The following KALRN variants were observed in gnomAD, a reference collection of about 807,000 sequenced individuals.
KALRN encodes kalirin.
In KALRN, 70 loss-of-function variants were observed where a neutral mutation model predicts 353.7. The ratio of observed to expected loss-of-function variants is 0.20; its 90% CI spans 0.16 to 0.24. The LOEUF (loss-of-function observed/expected upper bound fraction) is 0.24. Ranked by LOEUF, KALRN falls within the 10% of genes least tolerant of loss-of-function variation. The pLI is 1.00. For synonymous variants in KALRN, 1,391 were observed against 1,434.8 expected, an observed-to-expected ratio of 0.97 and a Z score of 0.69; for missense variants, 2,791 against 3,756.7, an observed-to-expected ratio of 0.74 and a Z score of 6.72.
chr3:124,095,006 G>A (rs532862581), intron 1 of KALRN: 10 of 1,108,028 alleles, frequency 9.0e-6, no homozygotes, highest in Non-Finnish European at 1.4e-5. Flanking sequence ...AGGGGAGGGG[G>A]GTCAAGAAGA....
intron 33 of KALRN, among the ~76,000 whole-genome samples, chr3:124,515,032 T>C (rs530581804): frequency 2.6e-5 from 4 of 152,254 alleles, no homozygotes; most frequent in Admixed American, 6.5e-5. Context: ...ACAAAAAACA[T>C]TGGAAACATG....
chr3:124,296,431 G>C (rs1438518063), intron 5 of KALRN, among the ~76,000 whole-genome samples: 1 of 152,082 alleles, frequency 6.6e-6, no homozygotes, highest in Non-Finnish European at 1.5e-5. Context: ...GCTCCCAGTA[G>C]CTCTCAAATC....
intron 21 of KALRN, among the ~76,000 whole-genome samples, chr3:124,454,326 T>C (rs2059085634): frequency 6.6e-6 from 1 of 152,206 alleles, no homozygotes; most frequent in Non-Finnish European, 1.5e-5. Context: ...AGTATGAAGT[T>C]GGACCAGCCC....
chr3:124,388,217 C>T (rs1002245417), intron 11 of KALRN, among the ~76,000 whole-genome samples: 1 of 152,082 alleles, frequency 6.6e-6, no homozygotes, highest in Non-Finnish European at 1.5e-5. Context: ...TTACAACACT[C>T]ATTTTTTTTC....
At chr3:124,708,425 CAG>C (rs1250586601) in intron 57 of KALRN, among the ~76,000 whole-genome samples, 2 of 151,862 alleles carry the variant, frequency 1.3e-5, no homozygotes. Context: ...AAGTTATTGA[CAG>C]AGAAATAGAA....
rs778799753 is a variant in KALRN, at chr3:124,446,202, C to T, written c.3355C>T (p.His1119Tyr). 3.1e-6 allele frequency: 5 copies of T among 1,614,014 alleles called. No individual in the cohort carries two copies. Among genetic ancestry groups the T allele is most frequent in the Admixed American group, 1.7e-5 (1 of 60,000 alleles). The change falls in exon 20 of 60, where the codon CAT becomes TAT. Residue 1119 changes from histidine to tyrosine, a missense_variant. Physicochemically the swap from His to Tyr is moderately conservative, Grantham distance 83. This residue lies in a region of KALRN where 268 missense variants were observed against 347.0 expected (regional missense o/e 0.77). Coordinates refer to ENST00000682506, the MANE Select transcript of KALRN (RefSeq NM_001388419.1). The stretch of plus-strand genomic sequence containing the variant: ...CCTGCAGAGGGAGAATCGCGTGCTG[C>T]ATTTCTGGACCTTGAAGAAGCGGCG... ...ELLQRENRVL[H>Y]FWTLKKRRLD...
At chr3:124,637,133 TTC>T in intron 36 of KALRN, 73 bp from the exon 37 acceptor site, 1 of 1,233,860 alleles carries the variant, frequency 8.1e-7, no homozygotes, top group Non-Finnish European at 1.2e-6. Context: ...GCTTTGGACT[TTC>T]TGTTTTATTT....
Position 124,200,305 on chromosome 3 carries a change from A to G in KALRN, c.74-27685A>G, listed in dbSNP as rs143370144. 3.8e-4 allele frequency among the ~76,000 whole-genome samples: 58 copies of G among 152,358 alleles called. No homozygotes were observed. The East Asian group carries it at 0.01, about 27-fold the overall frequency. ...TTCATTTGGGCTGTTATAACAAAAT[A>G]CCATAAACTGGGTGGCTTACAAACA... On this transcript the variant is annotated intron_variant, in intron 1 of 59. Coordinates refer to ENST00000682506, the MANE Select transcript of KALRN (RefSeq NM_001388419.1).
chr3:124,220,858 C>A (rs942193147), intron 1 of KALRN, among the ~76,000 whole-genome samples: 1 of 152,192 alleles, frequency 6.6e-6, no homozygotes, highest in Non-Finnish European at 1.5e-5. Context: ...TCAGCAGGGG[C>A]CAAGTCCCAA....
intron 11 of KALRN, among the ~76,000 whole-genome samples, chr3:124,392,091 C>T (rs955188474): frequency 2.0e-5 from 3 of 151,870 alleles, no homozygotes; most frequent in African/African-American, 2.4e-5. Context: ...TGCTCTGTCA[C>T]CCAGGTGGAG....
chr3:124,075,116 G>A (rs905199346), intron 1 of KALRN, among the ~76,000 whole-genome samples: 4 of 152,082 alleles, frequency 2.6e-5, no homozygotes, highest in Non-Finnish European at 5.9e-5. Context: ...CTACTTTCCT[G>A]GTATGAAAAT....
chr3:124,369,507 A>G (rs1443734553), intron 10 of KALRN, among the ~76,000 whole-genome samples: 1 of 152,198 alleles, frequency 6.6e-6, no homozygotes, highest in Non-Finnish European at 1.5e-5. Context: ...TTTACTATGT[A>G]CAACATGTTG....
intron 6 of KALRN, among the ~76,000 whole-genome samples, chr3:124,318,784 A>G (rs2079048734): frequency 6.6e-6 from 1 of 152,210 alleles, no homozygotes; most frequent in South Asian, 2.1e-4. Flanking sequence ...AAAAGGGAGC[A>G]ATAAGCAGAG....
intron 25 of KALRN, among the ~76,000 whole-genome samples, chr3:124,463,273 G>A (rs990115580): frequency 6.6e-6 from 1 of 152,200 alleles, no homozygotes; most frequent in Non-Finnish European, 1.5e-5. Context: ...AGAAATAACT[G>A]TGTTTCCAAA....
intron 5 of KALRN, among the ~76,000 whole-genome samples, chr3:124,274,412 G>A (rs2074480766): frequency 6.6e-6 from 1 of 152,228 alleles, no homozygotes; most frequent in Non-Finnish European, 1.5e-5. Flanking sequence ...TGCATAACTA[G>A]ACTTAACTGA....
intron 45 of KALRN, among the ~76,000 whole-genome samples, chr3:124,665,740 C>G (rs2085528259): frequency 6.6e-6 from 1 of 152,210 alleles, no homozygotes; most frequent in African/African-American, 2.4e-5. Flanking sequence ...TCTGGGATTA[C>G]AGGCATGAGC....
intron 1 of KALRN, among the ~76,000 whole-genome samples, chr3:124,207,308 C>G (rs1422116405): frequency 1.3e-5 from 2 of 152,186 alleles, no homozygotes; most frequent in East Asian, 1.9e-4. Flanking sequence ...GGGCAAGGCC[C>G]TAAATAGACA....
intron 1 of KALRN, among the ~76,000 whole-genome samples, chr3:124,091,361 T>C (rs544093377): frequency 6.6e-6 from 1 of 152,246 alleles, no homozygotes; most frequent in East Asian, 1.9e-4. Context: ...GTCTGAGGAG[T>C]TGGGCCAGTG....
In KALRN at chr3:124,356,660, T is replaced by C. The variant is rs60284688; in HGVS notation, c.1770+9395T>C. On this transcript the variant is annotated intron_variant, in intron 10 of 59. Transcript: ENST00000682506. ...CTTAACAGGTCTTAATTGACTGTTC[T>C]GAAGCATTTAATCCTGTCACCCACT... is the stretch of plus-strand genomic sequence containing the variant. 1.9e-3 allele frequency among the ~76,000 whole-genome samples: 289 copies of C among 152,324 alleles called. 1 individual carries two copies. Among genetic ancestry groups the C allele is most frequent in the African/African-American group, 6.6e-3 (274 of 41,574 alleles).
Sources: gnomAD v4.1 joint callset for allele counts (sites outside exome capture counted in the v4.1 genomes callset) on GRCh38, gnomAD v4.1.1 for gene constraint, gnomAD v4.1.1 regional missense constraint, MANE v1.5 for transcripts, NCBI Gene and HGNC (gene_info 2026-07-23, HGNC 2026-07-21) for gene names.